Variants in VCPIP1 observed in about 807,000 individuals in gnomAD.
The protein encoded by VCPIP1 is deubiquitinating protein VCPIP1.
Under a neutral mutation model 85.0 loss-of-function variants are expected in VCPIP1, and 8 were observed. That is an observed-to-expected ratio of 0.09 (90% CI 0.06 to 0.17). The LOEUF (loss-of-function observed/expected upper bound fraction) is 0.17, where lower values mean the gene tolerates loss of function less well. Among genes scored for constraint, VCPIP1 ranks in the 10% least tolerant of loss-of-function variants. The probability of loss-of-function intolerance (pLI) is 1.00; values close to 1 mark genes in which losing one functional copy is unlikely to be tolerated. For synonymous variants in VCPIP1, 543 were observed against 544.5 expected (o/e 1.00, Z 0.04); for missense variants, 1,070 against 1,486.3 (o/e 0.72, Z 4.61).
In VCPIP1 at chr8:66,666,688, G is replaced by A. The variant is rs1330571259; in HGVS notation, c.271C>T (p.Pro91Ser). The change falls in exon 1 of 3, where the codon CCG becomes TCG. Residue 91 changes from proline to serine, a missense_variant. This residue lies in a region of VCPIP1 where 164 missense variants were observed against 158.6 expected (regional missense o/e 1.03). Coordinates refer to ENST00000310421, the MANE Select transcript of VCPIP1 (RefSeq NM_025054.5). This position sits in a 1 kb window ranked among gnomAD's most constrained non-coding sequence, Gnocchi z 6.3. Reference sequence around the variant, plus strand: ...AGCAGGTTGTGTAGCACTACGTCCGGGTCGGTCACCTCCTCAACCCCCAGC... The same window carrying A: ...AGCAGGTTGTGTAGCACTACGTCCGAGTCGGTCACCTCCTCAACCCCCAGC... The part of the protein sequence containing the change: ...QLLGVEEVTD[P>S]DVVLHNLLRN... 2 of 1,614,072 alleles carry A rather than the reference G, an allele frequency of 1.2e-6. No individual in the cohort carries two copies. The highest frequency in any genetic ancestry group is 1.7e-6 in the Non-Finnish European group (2 of 1,180,050).
chr8:66,651,140 G>A (rs1206126413), intron 2 of VCPIP1, among the ~76,000 whole-genome samples: 2 of 146,930 alleles, frequency 1.4e-5, no homozygotes, highest in African/African-American at 2.5e-5. Flanking sequence ...AGCCGAGATC[G>A]CGCCATTGCA....
intron 2 of VCPIP1, among the ~76,000 whole-genome samples, chr8:66,635,708 T>G (rs983582834): frequency 6.6e-6 from 1 of 151,282 alleles, no homozygotes. Context: ...GGTCAGGAGC[T>G]CGAGACCAGC....
chr8:66,638,970 C>CTCTATATA, intron 2 of VCPIP1, among the ~76,000 whole-genome samples: 19 of 118,438 alleles, frequency 1.6e-4, no homozygotes, highest in African/African-American at 7.0e-4. Context: ...CTCTCTCTCT[C>CTCTATATA]TATATATATA....
chr8:66,656,394 T>C (rs962167998), intron 1 of VCPIP1, among the ~76,000 whole-genome samples: 2 of 152,150 alleles, frequency 1.3e-5, no homozygotes, highest in South Asian at 2.1e-4. Context: ...GGTCTCCCTG[T>C]GTTGCCCAAG....
In VCPIP1 at chr8:66,667,066, C is replaced by CT; in HGVS notation, c.-109dup. ...TCCAGTCCAGGCCCAGGGCGAAGCA[C>CT]TTTCCTTTCCCTACCAGCTCTTCCT... On this transcript the variant is annotated 5_prime_UTR_variant, in exon 1 of 3. Transcript: ENST00000310421. The CT allele has an allele frequency of 1.4e-6, 2 of 1,407,044 alleles. No homozygotes were observed. Among genetic ancestry groups the CT allele is most frequent in the Non-Finnish European group, 1.8e-6 (2 of 1,084,018 alleles). 87.2% of individuals were successfully genotyped at this position (1,407,044 alleles called of 1,614,324 possible). A position where few individuals can be genotyped will look rare whatever the true frequency, so the allele number is the denominator to read the frequency against.
intron 1 of VCPIP1, 26 bp downstream of exon 1, chr8:66,664,223 T>C (rs1458376071): frequency 1.3e-6 from 2 of 1,520,662 alleles, no homozygotes; most frequent in East Asian, 2.3e-5. Context: ...AATTAAGATA[T>C]ACCATCAGAA....
At position 66,666,551 on chromosome 8, in the gene VCPIP1, G is replaced by A; in HGVS notation, c.408C>T (p.Arg136=). 3 of 1,614,160 alleles carry A rather than the reference G, an allele frequency of 1.9e-6. No individual in the cohort carries two copies. Among genetic ancestry groups the A allele is most frequent in the South Asian group, 1.1e-5 (1 of 91,082 alleles). Residue 136 remains arginine (R), a synonymous_variant, in exon 1 of 3, where the codon CGC becomes CGT. Transcript: ENST00000310421. This position sits in a 1 kb window ranked among gnomAD's most constrained non-coding sequence, Gnocchi z 6.3. ...HCKLLSPILA[R]YGMDKQTGRA... ...GGCCTGTCTGTTTGTCCATTCCATA[G>A]CGAGCTAATATGGGCGACAACAATT...
intron 2 of VCPIP1, 57 bp from the exon 3 acceptor site, chr8:66,635,429 T>C: frequency 2.1e-6 from 3 of 1,446,080 alleles, no homozygotes; most frequent in Non-Finnish European, 2.8e-6. Flanking sequence ...AATAAAAGTG[T>C]AGTCAAGACA....
chr8:66,636,236 C>CAAAAAAA, intron 2 of VCPIP1, among the ~76,000 whole-genome samples: 1 of 41,524 alleles, frequency 2.4e-5, no homozygotes, highest in South Asian at 1.1e-3. Context: ...GACTCCATCT[C>CAAAAAAA]AAAAAAAAAA....
Position 66,632,931 on chromosome 8 carries a change from T to C in VCPIP1, c.*1570A>G, listed in dbSNP as rs1016223206. On this transcript the variant is annotated 3_prime_UTR_variant, in exon 3 of 3. Coordinates refer to ENST00000310421, the MANE Select transcript of VCPIP1 (RefSeq NM_025054.5). ...ACAAACGTGATAATGTGATAAAAAC[T>C]AACCCAAATATATATTTTGCTCAGA... 1 of 152,104 alleles carries C rather than the reference T, an allele frequency of 6.6e-6. No homozygotes were observed. The highest frequency in any genetic ancestry group is 1.5e-5 in the Non-Finnish European group (1 of 67,926). The allele number at this position is 152,104 out of a possible 1,614,324, so 9.4% of individuals were successfully genotyped here. A position where few individuals can be genotyped will look rare whatever the true frequency, so the allele number is the denominator to read the frequency against.
In VCPIP1 at chr8:66,651,116, C is replaced by A. The variant is rs1202523094; in HGVS notation, c.2797+342G>T. 2.1e-5 allele frequency among the ~76,000 whole-genome samples: 3 copies of A among 145,884 alleles called. No homozygotes were observed. In the Admixed American group the frequency reaches 2.2e-4, roughly 10 times the overall value. On this transcript the variant is annotated intron_variant, in intron 2 of 2. Transcript: ENST00000310421. The stretch of plus-strand genomic sequence containing the variant: ...AGGAGAATCGCTTGAACCCAGGAGG[C>A]AGAGGTTGCAGTGAGCCGAGATCGC...
At chr8:66,657,749 A>G (rs1811114160) in intron 1 of VCPIP1, among the ~76,000 whole-genome samples, 1 of 152,244 alleles carries the variant, frequency 6.6e-6, no homozygotes, top group African/African-American at 2.4e-5. Flanking sequence ...TACTTGAATT[A>G]TTTGAATTTT....
rs77565452 is a variant in VCPIP1, at chr8:66,640,713, G to T, written c.2798-5341C>A. ...CTTGACTTCAAAGGGATGGCTTGAC[G>T]GGGGGTACTTCAGGGAAGAGTTTGG... On this transcript the variant is annotated intron_variant, in intron 2 of 2. Transcript: ENST00000310421. 3.8e-4 allele frequency among the ~76,000 whole-genome samples: 9 copies of T among 23,538 alleles called. No individual in the cohort carries two copies. In the African/African-American group the frequency reaches 0.012, roughly 30 times the overall value. 15.4% of individuals were successfully genotyped at this position (23,538 alleles called of 152,430 possible).
At position 66,664,911 on chromosome 8, in the gene VCPIP1, T is replaced by G. The variant is rs754593050; in HGVS notation, c.2048A>C (p.Glu683Ala). ...AQRVGDVQGQ[E>A]SESQLPTKII... ...TTTAGTTGGGAGCTGAGACTCTGAT[T>G]CTTGTCCTTGAACATCTCCAACTCT... The change falls in exon 1 of 3, where the codon GAA becomes GCA. Residue 683 changes from glutamate to alanine, a missense_variant. Coordinates refer to ENST00000310421, the MANE Select transcript of VCPIP1 (RefSeq NM_025054.5). 17 of 1,614,102 alleles carry G rather than the reference T, an allele frequency of 1.1e-5. No homozygotes were observed. The highest frequency in any genetic ancestry group is 1.3e-5 in the African/African-American group (1 of 74,940).
chr8:66,649,420 G>C (rs1327493022), intron 2 of VCPIP1, among the ~76,000 whole-genome samples: 1 of 152,034 alleles, frequency 6.6e-6, no homozygotes, highest in Admixed American at 6.6e-5. Context: ...GCTGAGCTGG[G>C]AGGATCACCT....
At chr8:66,641,812 A>G (rs368826664) in intron 2 of VCPIP1, among the ~76,000 whole-genome samples, 10 of 152,350 alleles carry the variant, frequency 6.6e-5, no homozygotes, top group African/African-American at 1.7e-4. Context: ...CTGTATGGCT[A>G]TAACACATTT....
chr8:66,648,809 G>C (rs2130164366), intron 2 of VCPIP1, among the ~76,000 whole-genome samples: 1 of 152,082 alleles, frequency 6.6e-6, no homozygotes, highest in Non-Finnish European at 1.5e-5. Flanking sequence ...TGCCCAACTC[G>C]GCCTCCCAAA....
At chr8:66,652,138 C>G (rs1226581447) in intron 1 of VCPIP1, among the ~76,000 whole-genome samples, 1 of 152,078 alleles carries the variant, frequency 6.6e-6, no homozygotes, top group African/African-American at 2.4e-5. Flanking sequence ...CTGCAGGGAG[C>G]AGTGTTTGCA....
At position 66,634,990 on chromosome 8, in the gene VCPIP1, A is replaced by G. The variant is rs1013542782; in HGVS notation, c.3180T>C (p.Phe1060=). 5 of 1,613,394 alleles carry G rather than the reference A, an allele frequency of 3.1e-6. No homozygotes were observed. The highest frequency in any genetic ancestry group is 2.7e-5 in the African/African-American group (2 of 74,900). Residue 1060 remains phenylalanine, a synonymous_variant, in exon 3 of 3, where the codon TTT becomes TTC. Coordinates refer to ENST00000310421, the MANE Select transcript of VCPIP1 (RefSeq NM_025054.5). ...GCTCTGTTTTAGTGGAACTATTACTAAAGTCTGTCCCTGTATTATGCTTTC... is the reference window on the plus strand; with the variant it reads ...GCTCTGTTTTAGTGGAACTATTACTGAAGTCTGTCCCTGTATTATGCTTTC... ...VVRKHNTGTD[F]SNSSTKTEPS... is the part of the protein sequence containing the mutation.
Sources: allele counts gnomAD v4.1 joint callset (sites outside exome capture counted in the v4.1 genomes callset), GRCh38; gene constraint gnomAD v4.1.1; regional missense constraint gnomAD v4.1.1; non-coding constraint Gnocchi (gnomAD v3.1); transcripts MANE v1.5; gene names NCBI Gene and HGNC (gene_info 2026-07-23, HGNC 2026-07-21).